USP24: variants seen among roughly 807,000 people sequenced by gnomAD.
USP24 encodes ubiquitin carboxyl-terminal hydrolase 24.
Under a neutral mutation model 361.6 loss-of-function variants are expected in USP24, and 97 were observed. That is an observed-to-expected ratio of 0.27 (90% CI 0.23 to 0.32). USP24 has a LOEUF of 0.32. Among genes scored for constraint, USP24 ranks in the 10% least tolerant of loss-of-function variants. USP24 has a pLI of 1.00. For synonymous variants in USP24, 1,098 were observed against 1,124.6 expected, an observed-to-expected ratio of 0.98 and a Z score of 0.47; for missense variants, 2,353 against 3,165.6, an observed-to-expected ratio of 0.74 and a Z score of 6.16.
rs1158331075 is a variant in USP24, at chr1:55,184,923, G to A, written c.325-6791C>T. 3.9e-5 allele frequency among the ~76,000 whole-genome samples: 6 copies of A among 152,088 alleles called. No individual in the cohort carries two copies. The East Asian group carries it at 1.2e-3, about 29-fold the overall frequency. ...AAAACTTTTGGGTACAGCAAAAGCA[G>A]TGATTAAAGGGAAATTTGTTTGTTT... On this transcript the variant is annotated intron_variant, in intron 1 of 67. Coordinates refer to ENST00000294383, the MANE Select transcript of USP24 (RefSeq NM_015306.3).
intron 38 of USP24, among the ~76,000 whole-genome samples, chr1:55,115,849 G>C (rs545426963): frequency 2.0e-5 from 3 of 152,306 alleles, no homozygotes; most frequent in African/African-American, 7.2e-5. Context: ...AGAAAAGGAT[G>C]AGTTCATACC....
At chr1:55,109,755 C>T (rs1645896574) in intron 39 of USP24, among the ~76,000 whole-genome samples, 1 of 152,092 alleles carries the variant, frequency 6.6e-6, no homozygotes, top group South Asian at 2.1e-4. Context: ...AATCTCAGCA[C>T]ACTAACAAAA....
At chr1:55,092,981 T>C in intron 52 of USP24, 65 bp from the exon 53 acceptor site, 3 of 1,038,876 alleles carry the variant, frequency 2.9e-6, no homozygotes, top group Non-Finnish European at 4.1e-6. Context: ...GAAGGACATT[T>C]CTAATGATAT....
rs559196220 is a variant in USP24 at position 55,102,595 on chromosome 1, T to C, written c.5026-892A>G. On this transcript the variant is annotated intron_variant, in intron 42 of 67. Coordinates refer to ENST00000294383, the MANE Select transcript of USP24 (RefSeq NM_015306.3). Reference sequence around the variant, plus strand: ...ATCTCAAGGAATTCCTAAGTATTACTTACTCTTCATTAACATCAGACATAT... The same window carrying C: ...ATCTCAAGGAATTCCTAAGTATTACCTACTCTTCATTAACATCAGACATAT... 5.3e-5 allele frequency among the ~76,000 whole-genome samples: 8 copies of C among 152,266 alleles called. No individual in the cohort carries two copies. In the South Asian group the frequency reaches 1.0e-3, roughly 20 times the overall value.
intron 41 of USP24, among the ~76,000 whole-genome samples, chr1:55,105,763 G>A (rs1420071569): frequency 6.6e-6 from 1 of 152,142 alleles, no homozygotes; most frequent in Non-Finnish European, 1.5e-5. Flanking sequence ...CTCAGCAAAC[G>A]ACAAGGTTCA....
chr1:55,087,303 A>G (rs1284014094), intron 55 of USP24, among the ~76,000 whole-genome samples: 1 of 152,234 alleles, frequency 6.6e-6, no homozygotes, highest in East Asian at 1.9e-4. Flanking sequence ...GGAAGAATGT[A>G]GAAGTAATTC....
At chr1:55,149,082 AAC>A (rs1393871621) in intron 16 of USP24, among the ~76,000 whole-genome samples, 1 of 152,246 alleles carries the variant, frequency 6.6e-6, no homozygotes, top group African/African-American at 2.4e-5. Flanking sequence ...TCCTAGTTAA[AAC>A]ACTTTCATAA....
intron 36 of USP24, among the ~76,000 whole-genome samples, 158 bp from the exon 37 acceptor site, chr1:55,121,664 T>C (rs1055725638): frequency 8.5e-5 from 13 of 152,254 alleles, no homozygotes; most frequent in African/African-American, 3.1e-4. Context: ...CCTGTCCATT[T>C]ACCCCATAAA....
At chr1:55,102,991 T>C (rs1645675694) in intron 42 of USP24, among the ~76,000 whole-genome samples, 1 of 152,192 alleles carries the variant, frequency 6.6e-6, no homozygotes, top group Non-Finnish European at 1.5e-5. Flanking sequence ...ACCTAACCTC[T>C]ATGTTCTGTA....
At chr1:55,192,146 G>A (rs1184817502) in intron 1 of USP24, among the ~76,000 whole-genome samples, 1 of 115,830 alleles carries the variant, frequency 8.6e-6, no homozygotes, top group East Asian at 2.4e-4. Context: ...TAATAAGAGA[G>A]TTTAATATTT....
At chr1:55,171,789 C>A in intron 4 of USP24, 111 bp from the exon 5 acceptor site, 1 of 1,221,810 alleles carries the variant, frequency 8.2e-7, no homozygotes, top group South Asian at 1.5e-5. Context: ...TTAATGGGAT[C>A]TTTCAAGAAT....
rs763068129 is a variant in USP24 at position 55,165,866 on chromosome 1, A to T, written c.927+19T>A. ...TGAAATGAATTTCCACAGTGAGCAT[A>T]TACAGTAGTTTAACTTACCCCAAGT... On this transcript the variant is annotated intron_variant, in intron 7 of 67. Transcript: ENST00000294383. The T allele has an allele frequency of 6.3e-7, 1 of 1,581,710 alleles. No individual in the cohort carries two copies. The highest frequency in any genetic ancestry group is 8.6e-7 in the Non-Finnish European group (1 of 1,160,562).
chr1:55,205,460 C>T (rs1644681621), intron 1 of USP24, among the ~76,000 whole-genome samples: 2 of 152,072 alleles, frequency 1.3e-5, no homozygotes, highest in African/African-American at 4.8e-5. Flanking sequence ...ATCTTCTGAG[C>T]CAGTTTTCTT....
In USP24 at chr1:55,071,866, T is replaced by C. The variant is rs1429535843; in HGVS notation, c.7748A>G (p.Asn2583Ser). Reference sequence around the variant, plus strand: ...ATTGGCAGGACTACTCTCCGACCCATTACTGCTTCCTGATTGCTCTTTTTC... The same window carrying C: ...ATTGGCAGGACTACTCTCCGACCCACTACTGCTTCCTGATTGCTCTTTTTC... The part of the protein sequence containing the change: ...LNEKEQSGSS[N>S]GSESSPANEN... The change falls in exon 67 of 68, where the codon AAT becomes AGT. Residue 2583 changes from asparagine (N) to serine (S), a missense_variant. By Grantham distance (46) the Asn-to-Ser change is conservative. Transcript: ENST00000294383. The C allele has an allele frequency of 1.2e-6, 2 of 1,613,512 alleles. No individual in the cohort carries two copies. Among genetic ancestry groups the C allele is most frequent in the Admixed American group, 1.7e-5 (1 of 59,992 alleles).
At chr1:55,155,426 CAT>C (rs528045973) in intron 12 of USP24, among the ~76,000 whole-genome samples, 49 of 152,300 alleles carry the variant, frequency 3.2e-4, no homozygotes, top group African/African-American at 1.1e-3. Context: ...ATACTATGCA[CAT>C]AGAGTCATTC....
chr1:55,165,421 C>T (rs1648731376), intron 7 of USP24, among the ~76,000 whole-genome samples: 1 of 152,032 alleles, frequency 6.6e-6, no homozygotes, highest in African/African-American at 2.4e-5. Flanking sequence ...CCTGATGATT[C>T]TAAGCTCCCA....
chr1:55,162,704 A>C (rs1443043164), intron 7 of USP24, among the ~76,000 whole-genome samples: 1 of 152,172 alleles, frequency 6.6e-6, no homozygotes, highest in East Asian at 1.9e-4. Flanking sequence ...CTAAATGGAA[A>C]AGACCATTAT....
intron 52 of USP24, 94 bp downstream of exon 52, chr1:55,093,843 A>G (rs779702279): frequency 6.6e-7 from 1 of 1,520,084 alleles, no homozygotes; most frequent in Admixed American, 1.9e-5. Context: ...CCCCAGTGGT[A>G]CAACTAATCC....
intron 54 of USP24, among the ~76,000 whole-genome samples, chr1:55,090,275 G>C (rs1040937215): frequency 1.3e-5 from 2 of 152,040 alleles, no homozygotes; most frequent in Non-Finnish European, 2.9e-5. Flanking sequence ...GTCCCAAAAT[G>C]ATCATTGTGT....
Sources: allele counts gnomAD v4.1 joint callset (sites outside exome capture counted in the v4.1 genomes callset), GRCh38; gene constraint gnomAD v4.1.1; transcripts MANE v1.5; gene names NCBI Gene and HGNC (gene_info 2026-07-23, HGNC 2026-07-21).